SLC9A2: variants seen among roughly 807,000 people sequenced by gnomAD.
SLC9A2 encodes the protein solute carrier family 9 member A2.
In SLC9A2, 42 loss-of-function variants were observed where a neutral mutation model predicts 71.7. That is an observed-to-expected ratio of 0.59 (90% CI 0.46 to 0.76). The LOEUF (loss-of-function observed/expected upper bound fraction) is 0.76, where lower values mean the gene tolerates loss of function less well. Among genes scored for constraint, SLC9A2 ranks in the 30% least tolerant of loss-of-function variants. SLC9A2 has a pLI of 0.00. For synonymous variants in SLC9A2, 396 were observed against 392.5 expected (o/e 1.01, Z -0.10); for missense variants, 829 against 1,017.4 (o/e 0.81, Z 2.52).
chr2:102,638,484 A>G (rs1340037897), intron 1 of SLC9A2, among the ~76,000 whole-genome samples: 1 of 152,214 alleles, frequency 6.6e-6, no homozygotes, highest in East Asian at 1.9e-4. Context: ...AGCACAAGCC[A>G]AAGGGAAGCT....
intron 1 of SLC9A2, among the ~76,000 whole-genome samples, chr2:102,624,385 G>A (rs1676204396): frequency 6.6e-6 from 1 of 152,160 alleles, no homozygotes; most frequent in African/African-American, 2.4e-5. Flanking sequence ...CTTGTATAGA[G>A]AGATGGGGTT....
At chr2:102,674,837 C>T (rs1295944368) in intron 3 of SLC9A2, among the ~76,000 whole-genome samples, 1 of 152,194 alleles carries the variant, frequency 6.6e-6, no homozygotes, top group African/African-American at 2.4e-5. Flanking sequence ...AACTTTGTGT[C>T]CCTTCATGAG....
Position 102,640,947 on chromosome 2 carries a change from C to T in SLC9A2, c.290-16617C>T, listed in dbSNP as rs140704336. On this transcript the variant is annotated intron_variant, in intron 1 of 11. Coordinates refer to ENST00000233969, the MANE Select transcript of SLC9A2 (RefSeq NM_003048.6). Reference sequence around the variant, plus strand: ...GCTCTTATGTCTCTAGAACCAGACACGAAGACTGAATATTATAACAGATGC... The same window carrying T: ...GCTCTTATGTCTCTAGAACCAGACATGAAGACTGAATATTATAACAGATGC... 2.8e-3 allele frequency among the ~76,000 whole-genome samples: 420 copies of T among 152,308 alleles called. 5 individuals carry two copies. The highest frequency in any genetic ancestry group is 8.9e-3 in the African/African-American group (370 of 41,568).
At chr2:102,699,579 A>T (rs1558724372) in intron 7 of SLC9A2, among the ~76,000 whole-genome samples, 2 of 152,176 alleles carry the variant, frequency 1.3e-5, no homozygotes, top group Non-Finnish European at 2.9e-5. Context: ...GCATTAGATG[A>T]GGTGGGAGAT....
At chr2:102,678,987 T>C (rs1677396552) in intron 3 of SLC9A2, among the ~76,000 whole-genome samples, 1 of 152,210 alleles carries the variant, frequency 6.6e-6, no homozygotes, top group Non-Finnish European at 1.5e-5. Context: ...CAGAGTACAC[T>C]GCAACAAAAA....
intron 1 of SLC9A2, among the ~76,000 whole-genome samples, chr2:102,631,819 T>G (rs529724101): frequency 5.3e-4 from 80 of 151,522 alleles, no homozygotes; most frequent in South Asian, 1.2e-3. Context: ...CATGCTTGTG[T>G]AGAAGAATAA....
intron 1 of SLC9A2, among the ~76,000 whole-genome samples, chr2:102,637,762 A>G (rs1676496016): frequency 6.6e-6 from 1 of 152,218 alleles, no homozygotes; most frequent in Admixed American, 6.5e-5. Flanking sequence ...TCCCTCACTC[A>G]TCTGCTTAAA....
chr2:102,640,910 A>G (rs1676561981), intron 1 of SLC9A2, among the ~76,000 whole-genome samples: 2 of 152,210 alleles, frequency 1.3e-5, no homozygotes, highest in Non-Finnish European at 2.9e-5. Flanking sequence ...AGGGATTCTG[A>G]AAGTCTTGTA....
At position 102,710,532 on chromosome 2, in the gene SLC9A2, G is replaced by A. The variant is rs572192110; in HGVS notation, c.*2043G>A. 3.4e-4 allele frequency: 52 copies of A among 152,288 alleles called. 2 individuals carry two copies. In the South Asian group the frequency reaches 4.2e-3, roughly 12 times the overall value. The allele number at this position is 152,288 out of a possible 1,614,324, so 9.4% of individuals were successfully genotyped here. A position where few individuals can be genotyped will look rare whatever the true frequency, so the allele number is the denominator to read the frequency against. On this transcript the variant is annotated 3_prime_UTR_variant, in exon 12 of 12. Transcript: ENST00000233969. ...TTGTTAAGCAGGTAGACCAAATTCCGCTTTCAGTAATTCATCCATACAGAA... is the reference window on the plus strand; with the variant it reads ...TTGTTAAGCAGGTAGACCAAATTCCACTTTCAGTAATTCATCCATACAGAA...
rs1312509273 is a variant in SLC9A2 at position 102,620,201 on chromosome 2, C to T, written c.289+64C>T. The stretch of plus-strand genomic sequence containing the variant: ...TCTCGGGGGGACACCTGGAGGGTGA[C>T]CGGGTCAGCCAGCTGACCTCTAGAT... On this transcript the variant is annotated intron_variant, in intron 1 of 11. Coordinates refer to ENST00000233969, the MANE Select transcript of SLC9A2 (RefSeq NM_003048.6). 4.1e-6 allele frequency: 6 copies of T among 1,451,076 alleles called. No homozygotes were observed. In the African/African-American group the frequency reaches 7.0e-5, roughly 17 times the overall value. The allele number at this position is 1,451,076 out of a possible 1,614,324, so 89.9% of individuals were successfully genotyped here.
chr2:102,695,547 C>T (rs1397150934), intron 7 of SLC9A2, among the ~76,000 whole-genome samples: 2 of 151,634 alleles, frequency 1.3e-5, no homozygotes, highest in African/African-American at 2.4e-5. Context: ...TAACTGAAAC[C>T]ATCAGAAGCT....
At chr2:102,694,141 C>A (rs1677709952) in intron 5 of SLC9A2, among the ~76,000 whole-genome samples, 1 of 152,012 alleles carries the variant, frequency 6.6e-6, no homozygotes. Flanking sequence ...ACTTTCTCTG[C>A]TTCTTCCATT....
chr2:102,683,289 A>C lies in SLC9A2; in HGVS notation c.1033A>C (p.Lys345Gln), dbSNP rs776531884. ...AITACAMTMN[K>Q]YVEENVSQKS... ...CACTGCTTGTGCAATGACTATGAAT[A>C]AGTACGTAGAAGAAAATGTATCTCA... The change falls in exon 4 of 12, where the codon AAG becomes CAG. Residue 345 changes from lysine (K) to glutamine (Q), a missense_variant. Lys to Gln is a moderately conservative substitution (Grantham distance 53). This residue lies in a region of SLC9A2 where 500 missense variants were observed against 726.3 expected (regional missense o/e 0.69). Transcript: ENST00000233969. 3.7e-6 allele frequency: 6 copies of C among 1,613,244 alleles called. No individual in the cohort carries two copies. The highest frequency in any genetic ancestry group is 5.1e-6 in the Non-Finnish European group (6 of 1,179,276).
chr2:102,646,993 A>G (rs1168321554), intron 1 of SLC9A2, among the ~76,000 whole-genome samples: 1 of 152,080 alleles, frequency 6.6e-6, no homozygotes, highest in Non-Finnish European at 1.5e-5. Flanking sequence ...TCCACCCCAA[A>G]TCAACAGAAT....
intron 1 of SLC9A2, among the ~76,000 whole-genome samples, chr2:102,622,398 T>A (rs770754148): frequency 2.0e-5 from 3 of 152,252 alleles, no homozygotes; most frequent in Non-Finnish European, 4.4e-5. Context: ...ACTGCTTCTC[T>A]GTTGCCATTT....
chr2:102,665,080 T>TG lies in SLC9A2; in HGVS notation c.754-19dup. 1 of 1,557,586 alleles carries TG rather than the reference T, an allele frequency of 6.4e-7. No homozygotes were observed. ...GAAATGGGAAAGGGTCTTGACAAGG[T>TG]GTTTTTTTTTTTCCTGCAGGTCCTG... On this transcript the variant is annotated intron_variant, in intron 2 of 11. Transcript: ENST00000233969.
rs190186110 is a variant in SLC9A2 at position 102,692,699 on chromosome 2, T to C, written c.1426-1715T>C. ...AAAATCTTCTGGTTACATTTACTTTTCCAGGTTGATTTAAAATCAGCCTCT... is the reference window on the plus strand; with the variant it reads ...AAAATCTTCTGGTTACATTTACTTTCCCAGGTTGATTTAAAATCAGCCTCT... On this transcript the variant is annotated intron_variant, in intron 5 of 11. Coordinates refer to ENST00000233969, the MANE Select transcript of SLC9A2 (RefSeq NM_003048.6). Among the ~76,000 whole-genome samples, 65 of 152,362 alleles carry C rather than the reference T, an allele frequency of 4.3e-4. No homozygotes were observed. The East Asian group carries it at 0.012, about 28-fold the overall frequency.
intron 1 of SLC9A2, among the ~76,000 whole-genome samples, chr2:102,651,781 A>G (rs747559014): frequency 6.6e-6 from 1 of 152,234 alleles, no homozygotes; most frequent in Non-Finnish European, 1.5e-5. Flanking sequence ...GTCTCAATAA[A>G]TGCATAATGA....
intron 3 of SLC9A2, among the ~76,000 whole-genome samples, chr2:102,669,619 T>C (rs1040694411): frequency 1.3e-5 from 2 of 152,226 alleles, no homozygotes; most frequent in African/African-American, 2.4e-5. Flanking sequence ...CTAATAGTTA[T>C]TGATTTTAGA....
Sources: gnomAD v4.1 joint callset for allele counts (sites outside exome capture counted in the v4.1 genomes callset) on GRCh38, gnomAD v4.1.1 for gene constraint, gnomAD v4.1.1 regional missense constraint, MANE v1.5 for transcripts, NCBI Gene and HGNC (gene_info 2026-07-23, HGNC 2026-07-21) for gene names.